SUCLG2: variants seen among roughly 807,000 people sequenced by gnomAD.
The protein encoded by SUCLG2 is succinate--CoA ligase [GDP-forming] subunit beta, mitochondrial.
In SUCLG2, 42 loss-of-function variants were observed where a neutral mutation model predicts 47.9. That is an observed-to-expected ratio of 0.88 (90% confidence interval 0.69 to 1.14). The LOEUF (loss-of-function observed/expected upper bound fraction) is 1.14, where lower values mean the gene tolerates loss of function less well. Among genes scored for constraint, SUCLG2 ranks in the 50% most tolerant of loss-of-function variants. The pLI is 0.00. For missense variants in SUCLG2, 571 were observed against 525.9 expected, an observed-to-expected ratio of 1.09 and a Z score of -0.84; for synonymous variants, 195 against 197.3, an observed-to-expected ratio of 0.99 and a Z score of 0.10.
At chr3:67,499,702 CATA>C (rs1324871088) in intron 7 of SUCLG2, among the ~76,000 whole-genome samples, 1 of 151,770 alleles carries the variant, frequency 6.6e-6, no homozygotes, top group Admixed American at 6.6e-5. Flanking sequence ...GCCATGTCAT[CATA>C]ATGTTTGTTT....
chr3:67,414,741 A>G lies in SUCLG2; in HGVS notation c.1063-13890T>C, dbSNP rs377719093. 2.0e-5 allele frequency among the ~76,000 whole-genome samples: 3 copies of G among 152,324 alleles called. 1 individual carries two copies. Among genetic ancestry groups the G allele is most frequent in the South Asian group, 2.1e-4 (1 of 4,828 alleles). ...ATCTGTGTATCTCCCACAACTAGGT[A>G]GATGTATCAACATCCCAGAAGATGC... On this transcript the variant is annotated intron_variant, in intron 9 of 10. Transcript: ENST00000307227.
intron 9 of SUCLG2, among the ~76,000 whole-genome samples, chr3:67,445,772 T>TA (rs1164667016): frequency 1.8e-4 from 10 of 55,028 alleles, no homozygotes; most frequent in African/African-American, 5.2e-4. Context: ...AAATTTCATT[T>TA]AAAAAAAAAA....
At chr3:67,505,729 A>C (rs1268864846) in intron 7 of SUCLG2, among the ~76,000 whole-genome samples, 3 of 152,184 alleles carry the variant, frequency 2.0e-5, no homozygotes, top group African/African-American at 4.8e-5. Flanking sequence ...TGGGAGGCCG[A>C]GGTGGGTGGA....
intron 2 of SUCLG2, among the ~76,000 whole-genome samples, chr3:67,542,805 G>C (rs1207700622): frequency 6.6e-6 from 1 of 152,064 alleles, no homozygotes; most frequent in Non-Finnish European, 1.5e-5. Context: ...CAAAACAAGA[G>C]CACCCAGATG....
chr3:67,442,783 T>C (rs2106915036), intron 9 of SUCLG2, among the ~76,000 whole-genome samples: 1 of 152,334 alleles, frequency 6.6e-6, no homozygotes, highest in East Asian at 1.9e-4. Flanking sequence ...ACATCTATAC[T>C]AATGCTAAAC....
At chr3:67,370,547 C>T (rs1268931559), downstream of SUCLG2, among the ~76,000 whole-genome samples, 2 of 152,254 alleles carry the variant, frequency 1.3e-5, no homozygotes, top group South Asian at 4.1e-4. Context: ...CCCTTACCTG[C>T]AGGGCATCCA....
At chr3:67,469,750 T>A (rs986199514) in intron 9 of SUCLG2, among the ~76,000 whole-genome samples, 1 of 149,284 alleles carries the variant, frequency 6.7e-6, no homozygotes, top group African/African-American at 2.5e-5. Context: ...AATAATTTTT[T>A]AAAAAAGATT....
At chr3:67,495,299 T>C (rs1164613910) in intron 9 of SUCLG2, among the ~76,000 whole-genome samples, 1 of 152,126 alleles carries the variant, frequency 6.6e-6, no homozygotes, top group African/African-American at 2.4e-5. Flanking sequence ...ACCTCTGAAA[T>C]AAGATCCCAA....
At chr3:67,424,692 T>C (rs1703254254) in intron 9 of SUCLG2, among the ~76,000 whole-genome samples, 1 of 152,100 alleles carries the variant, frequency 6.6e-6, no homozygotes, top group Non-Finnish European at 1.5e-5. Context: ...AGCTCAGTAA[T>C]TGCTGGCCGT....
intron 10 of SUCLG2, among the ~76,000 whole-genome samples, chr3:67,389,996 G>C (rs1702345296): frequency 6.6e-6 from 1 of 152,136 alleles, no homozygotes; most frequent in Admixed American, 6.6e-5. Flanking sequence ...CTAAAAATGA[G>C]ATGTGATGGA....
chr3:67,511,028 C>T (rs1265898127), intron 6 of SUCLG2, among the ~76,000 whole-genome samples: 1 of 151,608 alleles, frequency 6.6e-6, no homozygotes, highest in East Asian at 1.9e-4. Flanking sequence ...GTAGCTAGGA[C>T]TACAGGTGTG....
At chr3:67,569,693 G>T (rs1305660420) in intron 2 of SUCLG2, among the ~76,000 whole-genome samples, 1 of 152,184 alleles carries the variant, frequency 6.6e-6, no homozygotes, top group East Asian at 1.9e-4. Flanking sequence ...TAACTTGTCT[G>T]GTTTCACAAA....
chr3:67,623,432 C>T (rs1054144598), intron 1 of SUCLG2, among the ~76,000 whole-genome samples: 14 of 152,148 alleles, frequency 9.2e-5, no homozygotes, highest in African/African-American at 2.7e-4. Flanking sequence ...ACCCGAGAGG[C>T]GGTGCTTGCA....
intron 2 of SUCLG2, among the ~76,000 whole-genome samples, chr3:67,571,004 G>C (rs1707593090): frequency 6.6e-6 from 1 of 152,098 alleles, no homozygotes; most frequent in Non-Finnish European, 1.5e-5. Flanking sequence ...TTGCAGTTTG[G>C]ATAATTCCAT....
intron 9 of SUCLG2, among the ~76,000 whole-genome samples, chr3:67,484,505 A>G (rs1705001489): frequency 6.6e-6 from 1 of 152,218 alleles, no homozygotes; most frequent in Admixed American, 6.5e-5. Flanking sequence ...GCTACAGATA[A>G]TGAAGTATAC....
chr3:67,520,668 G>A, intron 4 of SUCLG2, 34 bp from the exon 5 acceptor site: 1 of 1,574,352 alleles, frequency 6.4e-7, no homozygotes, highest in South Asian at 1.2e-5. Context: ...AATTAATTCA[G>A]CATTAAGCTG....
At chr3:67,373,853 C>T (rs1380127210), downstream of SUCLG2, among the ~76,000 whole-genome samples, 1 of 152,160 alleles carries the variant, frequency 6.6e-6, no homozygotes, top group African/African-American at 2.4e-5. Flanking sequence ...AAATGGCCTG[C>T]CTGAGAATAA....
intron 9 of SUCLG2, among the ~76,000 whole-genome samples, chr3:67,448,408 T>TA (rs1007910449): frequency 6.6e-6 from 1 of 152,132 alleles, no homozygotes; most frequent in African/African-American, 2.4e-5. Flanking sequence ...GAGTCACACT[T>TA]AAATTCTGAC....
intron 8 of SUCLG2, among the ~76,000 whole-genome samples, 197 bp from the exon 9 acceptor site, chr3:67,496,137 A>G (rs1705334096): frequency 6.6e-6 from 1 of 152,238 alleles, no homozygotes; most frequent in Non-Finnish European, 1.5e-5. Context: ...TATGCAAACA[A>G]TGAAACAAAA....
Sources: allele counts gnomAD v4.1 joint callset (sites outside exome capture counted in the v4.1 genomes callset), GRCh38; gene constraint gnomAD v4.1.1; transcripts MANE v1.5; gene names NCBI Gene and HGNC (gene_info 2026-07-23, HGNC 2026-07-21).